Variants in ATL2 observed in about 807,000 individuals in gnomAD.
ATL2 encodes atlastin-2.
ATL2 carries 31 observed loss-of-function variants against 73.9 expected under a neutral mutation model. The observed-to-expected ratio is 0.42, with a 90% CI of 0.32 to 0.57. ATL2 has a LOEUF of 0.57. ATL2 is among the 20% of genes least tolerant of loss of function. The pLI is 0.14. For missense variants in ATL2, 738 were observed against 702.6 expected, an observed-to-expected ratio of 1.05 and a Z score of -0.57; for synonymous variants, 291 against 237.5, an observed-to-expected ratio of 1.23 and a Z score of -2.07.
chr2:38,321,110 T>C (rs534383107), intron 2 of ATL2, among the ~76,000 whole-genome samples: 1 of 150,964 alleles, frequency 6.6e-6, no homozygotes, highest in African/African-American at 2.4e-5. Flanking sequence ...GAGGTGGAGG[T>C]TGCAGTGAGC....
chr2:38,312,791 G>A (rs1278516527), intron 7 of ATL2, among the ~76,000 whole-genome samples: 1 of 151,584 alleles, frequency 6.6e-6, no homozygotes, highest in Non-Finnish European at 1.5e-5. Context: ...TCCCAGTCAT[G>A]CTTCCTGTTA....
chr2:38,363,894 T>G (rs1355230445), intron 1 of ATL2, among the ~76,000 whole-genome samples: 2 of 152,210 alleles, frequency 1.3e-5, no homozygotes, highest in Non-Finnish European at 2.9e-5. Context: ...TTATCTAAAC[T>G]AGGGTTATCA....
chr2:38,362,124 A>C (rs1431048384), intron 1 of ATL2, among the ~76,000 whole-genome samples: 3 of 152,200 alleles, frequency 2.0e-5, no homozygotes, highest in African/African-American at 7.2e-5. Flanking sequence ...ATGAGTAAAA[A>C]ACTACAAGCG....
intron 6 of ATL2, 104 bp downstream of exon 6, chr2:38,314,504 C>T: frequency 1.4e-6 from 1 of 713,480 alleles, no homozygotes; most frequent in South Asian, 1.9e-5. Context: ...CTGTTGCTAG[C>T]AATGAGTCTA....
rs377056907 is a variant in ATL2 at position 38,354,063 on chromosome 2, G to A, written c.119-10551C>T. On this transcript the variant is annotated intron_variant, in intron 1 of 12. Coordinates refer to ENST00000378954, the MANE Select transcript of ATL2 (RefSeq NM_001135673.4). ...AAAAAATTAGCCGGCGTGGTGGCACGCACCTGTAATCCCAGCTACTTGGGA... is the reference window on the plus strand; with the variant it reads ...AAAAAATTAGCCGGCGTGGTGGCACACACCTGTAATCCCAGCTACTTGGGA... 192 of 312,046 alleles carry A rather than the reference G, an allele frequency of 6.2e-4. 4 individuals are homozygous for A. The highest frequency in any genetic ancestry group is 3.5e-3 in the South Asian group (152 of 42,994). 19.3% of individuals were successfully genotyped at this position (312,046 alleles called of 1,614,324 possible).
chr2:38,334,733 T>G (rs1669205713), intron 2 of ATL2, among the ~76,000 whole-genome samples: 1 of 150,510 alleles, frequency 6.6e-6, no homozygotes, highest in South Asian at 2.1e-4. Context: ...CTGGTCAAAG[T>G]TTGCCTGCTT....
Position 38,296,053 on chromosome 2 carries a change from A to C in ATL2, c.1693T>G (p.Ser565Ala). The C allele has an allele frequency of 1.9e-6, 3 of 1,551,758 alleles. No individual in the cohort carries two copies. Among genetic ancestry groups the C allele is most frequent in the South Asian group, 1.2e-5 (1 of 84,056 alleles). The change falls in exon 13 of 13, where the codon TCT becomes GCT. Residue 565 changes from serine (S) to alanine (A), a missense_variant. Physicochemically the swap from Ser to Ala is moderately conservative, Grantham distance 99. Transcript: ENST00000378954. ...TGGTCAGTCAGGCCTGCTTTGATAG[A>C]GTTTGTTACAGACTGCCTTATGTTT... The part of the protein sequence containing the change: ...EENIRQSVTN[S>A]IKAGLTDQVS...
intron 9 of ATL2, among the ~76,000 whole-genome samples, chr2:38,308,229 A>C (rs1485418484): frequency 6.6e-6 from 1 of 152,230 alleles, no homozygotes; most frequent in African/African-American, 2.4e-5. Context: ...CGAATGGATA[A>C]AGAAATGTGG....
At chr2:38,374,671 T>A (rs1412669073) in intron 1 of ATL2, among the ~76,000 whole-genome samples, 1 of 152,202 alleles carries the variant, frequency 6.6e-6, no homozygotes, top group East Asian at 1.9e-4. Flanking sequence ...TGCTATGAAG[T>A]CCCAAAATTT....
At chr2:38,343,097 G>A (rs542684943) in intron 2 of ATL2, among the ~76,000 whole-genome samples, 171 bp downstream of exon 2, 49 of 137,478 alleles carry the variant, frequency 3.6e-4, no homozygotes, top group Non-Finnish European at 6.2e-4. Context: ...GCAGTGAGCC[G>A]TGATCACACC....
chr2:38,320,708 A>T (rs571056471), intron 2 of ATL2, among the ~76,000 whole-genome samples: 3 of 152,230 alleles, frequency 2.0e-5, no homozygotes, highest in Non-Finnish European at 4.4e-5. Flanking sequence ...TGTTTCAGAA[A>T]TACTTCTAAT....
intron 1 of ATL2, among the ~76,000 whole-genome samples, chr2:38,365,614 C>A (rs1452196882): frequency 1.3e-5 from 2 of 152,102 alleles, no homozygotes; most frequent in African/African-American, 2.4e-5. Context: ...CATAGTGAAA[C>A]CCCATCTCTA....
chr2:38,315,479 GA>G, intron 4 of ATL2, 145 bp from the exon 5 acceptor site: 1 of 815,222 alleles, frequency 1.2e-6, no homozygotes. Context: ...ACTGACATGT[GA>G]AAAGGATTTT....
intron 1 of ATL2, among the ~76,000 whole-genome samples, chr2:38,364,433 G>C (rs1350228268): frequency 2.0e-5 from 3 of 152,106 alleles, no homozygotes; most frequent in Admixed American, 6.6e-5. Context: ...TCAGATATAA[G>C]GCAATTTCAA....
Position 38,295,720 on chromosome 2 carries a change from T to G in ATL2, c.*274A>C, listed in dbSNP as rs1165210664. The G allele has an allele frequency of 4.4e-6, 1 of 228,494 alleles. No homozygotes were observed. Among genetic ancestry groups the G allele is most frequent in the African/African-American group, 2.3e-5 (1 of 43,952 alleles). The allele number at this position is 228,494 out of a possible 1,614,324, so 14.2% of individuals were successfully genotyped here. On this transcript the variant is annotated 3_prime_UTR_variant, in exon 13 of 13. Coordinates refer to ENST00000378954, the MANE Select transcript of ATL2 (RefSeq NM_001135673.4). The stretch of plus-strand genomic sequence containing the variant: ...TTTACATAAGACAAATTCACTAACA[T>G]TAGATTAAGTAAAAAGAAATAAAAG...
chr2:38,298,622 T>C, intron 11 of ATL2, 47 bp from the exon 12 acceptor site: 3 of 1,543,368 alleles, frequency 1.9e-6, no homozygotes, highest in Non-Finnish European at 2.6e-6. Flanking sequence ...TAATTAACAC[T>C]TGAAAGAAGT....
rs1670386461 is a variant in ATL2, at chr2:38,352,131, ACC to A, written c.119-8621_119-8620del. 2.8e-5 allele frequency among the ~76,000 whole-genome samples: 3 copies of A among 106,152 alleles called. No individual in the cohort carries two copies. The East Asian group carries it at 8.9e-4, about 32-fold the overall frequency. 69.6% of individuals were successfully genotyped at this position (106,152 alleles called of 152,430 possible). ...GTTTCAAAAACAAACAAAAACAACA[ACC>A]AAAAAAAAAAAAAAAAAAAAAAAAA... is the stretch of plus-strand genomic sequence containing the variant. On this transcript the variant is annotated intron_variant, in intron 1 of 12. Transcript: ENST00000378954.
intron 2 of ATL2, among the ~76,000 whole-genome samples, chr2:38,338,570 C>A (rs896668004): frequency 6.6e-6 from 1 of 151,694 alleles, no homozygotes; most frequent in African/African-American, 2.4e-5. Flanking sequence ...AGAAGATACA[C>A]CTCTTCCCAA....
At chr2:38,301,771 C>G (rs1210095353) in intron 9 of ATL2, among the ~76,000 whole-genome samples, 3 of 152,194 alleles carry the variant, frequency 2.0e-5, no homozygotes, top group African/African-American at 4.8e-5. Flanking sequence ...GACTGCAATT[C>G]CTGGGCAGGT....
Sources: allele counts gnomAD v4.1 joint callset (sites outside exome capture counted in the v4.1 genomes callset), GRCh38; gene constraint gnomAD v4.1.1; transcripts MANE v1.5; gene names NCBI Gene and HGNC (gene_info 2026-07-23, HGNC 2026-07-21).